The following MAP3K9 variants were observed in gnomAD, a reference collection of about 807,000 sequenced individuals.
MAP3K9 encodes mixed lineage kinase 1 (tyr and ser/thr specificity).
Under a neutral mutation model 95.8 loss-of-function variants are expected in MAP3K9, and 46 were observed. The observed-to-expected ratio is 0.48, with a 90% confidence interval of 0.38 to 0.61. MAP3K9 has a LOEUF of 0.61. Among genes scored for constraint, MAP3K9 ranks in the 20% least tolerant of loss-of-function variants. MAP3K9 has a pLI of 0.00. For synonymous variants in MAP3K9, 533 were observed against 593.8 expected, an observed-to-expected ratio of 0.90 and a Z score of 1.49; for missense variants, 1,296 against 1,474.3, an observed-to-expected ratio of 0.88 and a Z score of 1.98.
chr14:70,732,727 A>C lies in MAP3K9; in HGVS notation c.2642T>G (p.Val881Gly). 6.2e-7 allele frequency: 1 copy of C among 1,604,158 alleles called. No individual in the cohort carries two copies. The highest frequency in any genetic ancestry group is 8.5e-7 in the Non-Finnish European group (1 of 1,172,980). Residue 881 changes from valine to glycine, a missense_variant, in exon 11 of 12, where the codon GTC (valine) becomes GGC (glycine). Val to Gly is a moderately radical substitution (Grantham distance 109). Transcript: ENST00000554752. ...PLSPCTHNPL[V>G]NVRVERFKRD... ...TTTGAAGCGCTCTACTCGGACATTG[A>C]CCAGGGGGTTGTGGGTACATGGACT...
intron 2 of MAP3K9, among the ~76,000 whole-genome samples, chr14:70,795,472 C>T (rs1220738699): frequency 2.0e-5 from 3 of 151,704 alleles, no homozygotes; most frequent in Non-Finnish European, 2.9e-5. Flanking sequence ...CCACACCCAG[C>T]TAGATTTTAT....
chr14:70,747,313 T>G (rs2054161296), intron 5 of MAP3K9, among the ~76,000 whole-genome samples: 1 of 152,208 alleles, frequency 6.6e-6, no homozygotes, highest in Admixed American at 6.5e-5. Flanking sequence ...GAGTTAGTTC[T>G]CACGAGATCT....
chr14:70,780,330 A>C (rs746442521), intron 2 of MAP3K9, among the ~76,000 whole-genome samples: 3 of 152,208 alleles, frequency 2.0e-5, no homozygotes, highest in Non-Finnish European at 4.4e-5. Context: ...CTGTAGGCAC[A>C]GCACAATTCA....
chr14:70,788,060 T>C (rs2054767206), intron 2 of MAP3K9, among the ~76,000 whole-genome samples: 1 of 152,246 alleles, frequency 6.6e-6, no homozygotes, highest in African/African-American at 2.4e-5. Context: ...CATTTGCCTC[T>C]AAGAAGTAAA....
In MAP3K9 at chr14:70,796,795, G is replaced by A. The variant is rs143438226; in HGVS notation, c.820+3872C>T. ...TGGACCACAGGGTGACAATGAGGAT[G>A]GAAGCCAAGTACTGGGATGAGGGAG... On this transcript the variant is annotated intron_variant, in intron 2 of 11. Coordinates refer to ENST00000554752, the MANE Select transcript of MAP3K9 (RefSeq NM_001284230.2). 2.4e-3 allele frequency among the ~76,000 whole-genome samples: 363 copies of A among 152,302 alleles called. 2 individuals carry two copies. Among genetic ancestry groups the A allele is most frequent in the Non-Finnish European group, 3.6e-3 (242 of 68,018 alleles).
intron 10 of MAP3K9, chr14:70,733,631 G>T: frequency 1.5e-6 from 1 of 679,932 alleles, no homozygotes. Context: ...AGTGACTTGG[G>T]TATCCACTTG....
intron 2 of MAP3K9, among the ~76,000 whole-genome samples, chr14:70,765,955 C>G (rs1239835653): frequency 6.6e-6 from 1 of 151,844 alleles, no homozygotes; most frequent in Non-Finnish European, 1.5e-5. Flanking sequence ...ACTAACGAGT[C>G]TAGGCGTAAG....
Position 70,734,435 on chromosome 14 carries a change from G to T in MAP3K9, c.1977C>A (p.Gly659=). The part of the protein sequence containing the change: ...WSSSAPNLVK[G]PRSSPALPGF... ...CTGGCAGGGCCGGGCTACTCCTTGG[G>T]CCCTTCACCAGGTTGGGGGCACTGG... Residue 659 remains glycine, a synonymous_variant, in exon 10 of 12, where the codon GGC becomes GGA. Transcript: ENST00000554752. 8.7e-6 allele frequency: 14 copies of T among 1,614,058 alleles called. No homozygotes were observed. Among genetic ancestry groups the T allele is most frequent in the Non-Finnish European group, 1.2e-5 (14 of 1,179,970 alleles).
In MAP3K9 at chr14:70,800,995, T is replaced by G; in HGVS notation, c.492A>C (p.Ile164=). The stretch of plus-strand genomic sequence containing the variant: ...CTGCTTTCACAGCAACCTCATCCCC[T>G]ATCCAGAAAGCACGATAGACCTTCC... ...GFGKVYRAFW[I]GDEVAVKAAR... The change falls in exon 2 of 12, where the codon ATA becomes ATC. Residue 164 remains isoleucine, a synonymous_variant. Coordinates refer to ENST00000554752, the MANE Select transcript of MAP3K9 (RefSeq NM_001284230.2). 6.2e-7 allele frequency: 1 copy of G among 1,614,118 alleles called. No homozygotes were observed. The highest frequency in any genetic ancestry group is 1.1e-5 in the South Asian group (1 of 91,076).
intron 2 of MAP3K9, among the ~76,000 whole-genome samples, chr14:70,796,981 G>C (rs775636131): frequency 8.5e-5 from 13 of 152,182 alleles, no homozygotes; most frequent in Non-Finnish European, 1.9e-4. Context: ...TGCAGATTCT[G>C]TATCAACATA....
rs1332222694 is a variant in MAP3K9, at chr14:70,782,590, TA to T, written c.820+18076del. On this transcript the variant is annotated intron_variant, in intron 2 of 11. Transcript: ENST00000554752. ...CCCTGGAAAGCTATGAAACACCAAT[TA>T]AAGTTTCCTATGAATCACTTTTCAA... 2.6e-5 allele frequency among the ~76,000 whole-genome samples: 4 copies of T among 152,256 alleles called. 1 individual carries two copies. Among genetic ancestry groups the T allele is most frequent in the South Asian group, 2.1e-4 (1 of 4,824 alleles).
intron 7 of MAP3K9, among the ~76,000 whole-genome samples, chr14:70,738,761 G>T (rs1270842368): frequency 1.3e-5 from 2 of 152,096 alleles, no homozygotes; most frequent in Non-Finnish European, 2.9e-5. Context: ...AAAAAGACAA[G>T]GGGTAAGGAA....
intron 2 of MAP3K9, among the ~76,000 whole-genome samples, chr14:70,797,083 C>T (rs2054872939): frequency 6.6e-6 from 1 of 152,152 alleles, no homozygotes; most frequent in Non-Finnish European, 1.5e-5. Flanking sequence ...TTTAATAAGA[C>T]ACTTTTTACT....
intron 6 of MAP3K9, among the ~76,000 whole-genome samples, chr14:70,742,087 C>A (rs1594771123): frequency 6.6e-6 from 1 of 152,318 alleles, no homozygotes; most frequent in South Asian, 2.1e-4. Flanking sequence ...CCCCTGTGAG[C>A]CACCAGGCTT....
At chr14:70,785,422 G>A (rs1344654784) in intron 2 of MAP3K9, among the ~76,000 whole-genome samples, 2 of 152,126 alleles carry the variant, frequency 1.3e-5, no homozygotes, top group Admixed American at 1.3e-4. Context: ...CACAGTAAGA[G>A]ATTAACACTA....
At chr14:70,754,324 T>A (rs1477111131) in intron 3 of MAP3K9, among the ~76,000 whole-genome samples, 4 of 152,182 alleles carry the variant, frequency 2.6e-5, no homozygotes, top group Non-Finnish European at 5.9e-5. Flanking sequence ...AAGATCCCAC[T>A]AGGGATAGGC....
chr14:70,736,170 G>T (rs1244552701), intron 8 of MAP3K9, 141 bp from the exon 9 acceptor site: 4 of 685,462 alleles, frequency 5.8e-6, no homozygotes, highest in Admixed American at 4.1e-5. Flanking sequence ...CCCACACCAT[G>T]AAAGAATCTT....
At chr14:70,804,620 C>G (rs2054969395) in intron 1 of MAP3K9, among the ~76,000 whole-genome samples, 1 of 152,108 alleles carries the variant, frequency 6.6e-6, no homozygotes, top group Non-Finnish European at 1.5e-5. Flanking sequence ...TTCTTTCCTC[C>G]AGTCTTAAGC....
At chr14:70,736,971 G>C (rs1255258063) in intron 8 of MAP3K9, among the ~76,000 whole-genome samples, 2 of 152,146 alleles carry the variant, frequency 1.3e-5, no homozygotes, top group African/African-American at 4.8e-5. Flanking sequence ...TTTGGACATG[G>C]AATCTTAGTG....
Sources: allele counts gnomAD v4.1 joint callset (sites outside exome capture counted in the v4.1 genomes callset), GRCh38; gene constraint gnomAD v4.1.1; transcripts MANE v1.5; gene names NCBI Gene and HGNC (gene_info 2026-07-23, HGNC 2026-07-21).